Variants in HVCN1 observed in about 807,000 individuals in gnomAD.
HVCN1 encodes the protein voltage-gated hydrogen channel 1.
Under a neutral mutation model 29.2 loss-of-function variants are expected in HVCN1, and 14 were observed. That is an observed-to-expected ratio of 0.48 (90% CI 0.32 to 0.75). The LOEUF (loss-of-function observed/expected upper bound fraction) is 0.75. Among genes scored for constraint, HVCN1 ranks in the 30% least tolerant of loss-of-function variants. The probability of loss-of-function intolerance (pLI) is 0.04; values close to 1 mark genes in which losing one functional copy is unlikely to be tolerated. For synonymous variants in HVCN1, 131 were observed against 133.2 expected (o/e 0.98, Z 0.11); for missense variants, 263 against 341.8 (o/e 0.77, Z 1.82).
chr12:110,678,660 C>T (rs892520028), intron 3 of HVCN1, among the ~76,000 whole-genome samples: 7 of 152,026 alleles, frequency 4.6e-5, no homozygotes, highest in African/African-American at 9.7e-5. Context: ...CCATGTTACT[C>T]AGGCTGGTCT....
Position 110,661,748 on chromosome 12 carries a change from T to C in HVCN1, c.22-300A>G, listed in dbSNP as rs944966079. ...TCCCAAAACACCCGCCACGGGCCCA[T>C]GTGTGAATACCGGAAGGGCGGCCCC... On this transcript the variant is annotated intron_variant, in intron 3 of 7. Transcript: ENST00000242607. This position sits in a 1 kb window ranked among gnomAD's most constrained non-coding sequence, Gnocchi z 6.2. Among the ~76,000 whole-genome samples, 2 of 152,084 alleles carry C rather than the reference T, an allele frequency of 1.3e-5. No individual in the cohort carries two copies. The highest frequency in any genetic ancestry group is 2.9e-5 in the Non-Finnish European group (2 of 68,000).
In HVCN1 at chr12:110,661,213, A is replaced by G; in HGVS notation, c.257T>C (p.Leu86Pro). The change falls in exon 4 of 8, where the codon CTT becomes CCT. Residue 86 changes from leucine (L) to proline (P), a missense_variant. Around this residue, in one of 3 missense-constraint regions of HVCN1, gnomAD observed 157 missense variants for 181.3 expected, o/e 0.87. Coordinates refer to ENST00000242607, the MANE Select transcript of HVCN1 (RefSeq NM_032369.4). This position sits in a 1 kb window ranked among gnomAD's most constrained non-coding sequence, Gnocchi z 6.2. ...TTTCCTCAACATGCCCCTGAAGTCA[A>G]GGGGGGCCCTGGGTGCGGGGCCAGG... is the stretch of plus-strand genomic sequence containing the variant. ...PAPGPAPRAP[L>P]DFRGMLRKLF... The G allele has an allele frequency of 6.2e-7, 1 of 1,613,596 alleles. No homozygotes were observed. The highest frequency in any genetic ancestry group is 8.5e-7 in the Non-Finnish European group (1 of 1,179,672).
chr12:110,697,436 G>T (rs937605791), intron 2 of HVCN1, among the ~76,000 whole-genome samples: 8 of 152,026 alleles, frequency 5.3e-5, no homozygotes, highest in Admixed American at 5.3e-4. Flanking sequence ...GAAGAGGAAG[G>T]AATAAGTGGT....
rs550244900 is a variant in HVCN1 at position 110,697,962 on chromosome 12, G to A, written c.-104+4347C>T. Among the ~76,000 whole-genome samples the A allele has an allele frequency of 2.6e-5, 4 of 152,160 alleles. 1 individual carries two copies. The South Asian group carries it at 8.3e-4, about 32-fold the overall frequency. ...ACTGTGTCTGGCCGTTAAGCATCTT[G>A]TCTCCATTTCACAGCTAAGGCTGAG... is the stretch of plus-strand genomic sequence containing the variant. On this transcript the variant is annotated intron_variant, in intron 2 of 4. Coordinates refer to the HVCN1 transcript ENST00000546713.
At chr12:110,700,727 G>A (rs908099888) in intron 2 of HVCN1, among the ~76,000 whole-genome samples, 6 of 152,136 alleles carry the variant, frequency 3.9e-5, no homozygotes, top group African/African-American at 7.2e-5. Flanking sequence ...CAAAGTGCTG[G>A]GATTACAGGC....
upstream of HVCN1, among the ~76,000 whole-genome samples, chr12:110,692,683 C>T (rs1468127174): frequency 6.6e-6 from 1 of 152,052 alleles, no homozygotes; most frequent in Non-Finnish European, 1.5e-5. Flanking sequence ...ACGATTGCAC[C>T]ACAGCACTCC....
At chr12:110,674,906 T>G (rs1381838344) in intron 3 of HVCN1, among the ~76,000 whole-genome samples, 1 of 152,050 alleles carries the variant, frequency 6.6e-6, no homozygotes, top group African/African-American at 2.4e-5. Flanking sequence ...AAGTGGTGAA[T>G]GAAGTATTTA....
intron 3 of HVCN1, among the ~76,000 whole-genome samples, chr12:110,681,356 A>G (rs2068962729): frequency 6.6e-6 from 1 of 152,042 alleles, no homozygotes; most frequent in Non-Finnish European, 1.5e-5. Context: ...GAATATGGAT[A>G]TTTTCAAGAT....
chr12:110,654,099 A>T (rs993142782), intron 5 of HVCN1, among the ~76,000 whole-genome samples: 1 of 152,162 alleles, frequency 6.6e-6, no homozygotes, highest in Non-Finnish European at 1.5e-5. Context: ...AGAGAAAAAA[A>T]GACAATAAGT....
chr12:110,675,476 AAAAAT>A (rs1207993351), intron 3 of HVCN1, among the ~76,000 whole-genome samples: 1 of 152,234 alleles, frequency 6.6e-6, no homozygotes, highest in East Asian at 1.9e-4. Flanking sequence ...ACAGAAAACC[AAAAAT>A]AAAATAAAAT....
chr12:110,652,009 A>C (rs994080963), intron 5 of HVCN1, among the ~76,000 whole-genome samples: 5 of 152,340 alleles, frequency 3.3e-5, no homozygotes, highest in African/African-American at 9.6e-5. Context: ...CTCTAAAATA[A>C]CTGAATGAAT....
intron 2 of HVCN1, among the ~76,000 whole-genome samples, chr12:110,697,650 T>C (rs534024179): frequency 4.7e-5 from 6 of 126,528 alleles, no homozygotes; most frequent in African/African-American, 2.1e-4. Flanking sequence ...GCGAAGCATC[T>C]TTTTTTTTTT....
At chr12:110,690,047 A>G (rs1221378919), upstream of HVCN1, among the ~76,000 whole-genome samples, 1 of 152,206 alleles carries the variant, frequency 6.6e-6, no homozygotes, top group Non-Finnish European at 1.5e-5. Context: ...CAAATGTGTT[A>G]TCTTACAGCC....
intron 3 of HVCN1, among the ~76,000 whole-genome samples, chr12:110,664,167 G>C (rs1460106741): frequency 6.6e-6 from 1 of 152,122 alleles, no homozygotes; most frequent in Non-Finnish European, 1.5e-5. Context: ...CAACCTTCCA[G>C]CCTCAGCTTC....
intron 3 of HVCN1, among the ~76,000 whole-genome samples, chr12:110,680,899 T>C (rs2068942464): frequency 1.3e-5 from 2 of 152,260 alleles, no homozygotes; most frequent in South Asian, 4.1e-4. Context: ...CACTGCACTC[T>C]AGCCTGGAAG....
At position 110,652,792 on chromosome 12, in the gene HVCN1, T is replaced by G. The variant is rs141710419; in HGVS notation, c.412-1344A>C. ...TAGTGTAGTCACTGACTCAGGCAAGTTTCACCAACAGATGCCAACTGGGGA... is the reference window on the plus strand; with the variant it reads ...TAGTGTAGTCACTGACTCAGGCAAGGTTCACCAACAGATGCCAACTGGGGA... On this transcript the variant is annotated intron_variant, in intron 5 of 7. Coordinates refer to ENST00000242607, the MANE Select transcript of HVCN1 (RefSeq NM_032369.4). 7.1e-3 allele frequency among the ~76,000 whole-genome samples: 1,079 copies of G among 152,262 alleles called. 1 individual carries two copies. The highest frequency in any genetic ancestry group is 9.4e-3 in the Non-Finnish European group (641 of 68,018).
chr12:110,687,260 C>A (rs908218752), intron 2 of HVCN1, among the ~76,000 whole-genome samples: 4 of 125,180 alleles, frequency 3.2e-5, no homozygotes, highest in Middle Eastern at 4.5e-3. Flanking sequence ...AGACCACACC[C>A]CCCCCCCCCA....
At position 110,658,291 on chromosome 12, in the gene HVCN1, G is replaced by A. The variant is rs549038808; in HGVS notation, c.306+2873C>T. On this transcript the variant is annotated intron_variant, in intron 4 of 7. Transcript: ENST00000242607. The surrounding 1 kb of genome is among the most constrained non-coding windows in gnomAD (Gnocchi z 5.0). ...GGATCCCAGGAGCTTCCTGGATGCC[G>A]ATCCTACCTGCAGAGACTACAACCC... 3.3e-5 allele frequency among the ~76,000 whole-genome samples: 5 copies of A among 152,122 alleles called. No homozygotes were observed. The highest frequency in any genetic ancestry group is 1.9e-4 in the East Asian group (1 of 5,180).
At chr12:110,701,539 G>T (rs1302022213) in intron 2 of HVCN1, among the ~76,000 whole-genome samples, 1 of 152,130 alleles carries the variant, frequency 6.6e-6, no homozygotes, top group Non-Finnish European at 1.5e-5. Context: ...CTAGCTCAGA[G>T]CCTGCCACCA....
Sources: allele counts gnomAD v4.1 joint callset (sites outside exome capture counted in the v4.1 genomes callset), GRCh38; gene constraint gnomAD v4.1.1; regional missense constraint gnomAD v4.1.1; non-coding constraint Gnocchi (gnomAD v3.1); transcripts MANE v1.5; gene names NCBI Gene and HGNC (gene_info 2026-07-23, HGNC 2026-07-21).